Variants in TP53I13 observed in about 807,000 individuals in gnomAD.
TP53I13 encodes the protein tumor protein p53 inducible protein 13.
Under a neutral mutation model 39.1 loss-of-function variants are expected in TP53I13, and 27 were observed. The ratio of observed to expected loss-of-function variants is 0.69; its 90% CI spans 0.51 to 0.95. TP53I13 has a LOEUF of 0.95. Among genes scored for constraint, TP53I13 ranks in the 40% least tolerant of loss-of-function variants. The probability of loss-of-function intolerance (pLI) is 0.00; values close to 1 mark genes in which losing one functional copy is unlikely to be tolerated. For missense variants in TP53I13, 544 were observed against 520.4 expected (o/e 1.05, Z -0.44); for synonymous variants, 230 against 224.6 (o/e 1.02, Z -0.22).
At chr17:29,582,170 A>C in the TP53I13 span, 1 of 1,502,400 alleles carries the variant, frequency 6.7e-7, no homozygotes, top group Non-Finnish European at 9.0e-7. Context: ...TGTGCAGTGA[A>C]TACGCATGTG....
At position 29,571,718 on chromosome 17, in the gene TP53I13, G is replaced by A. The variant is rs78481811; in HGVS notation, c.311G>A (p.Arg104Gln). 5.6e-6 allele frequency: 9 copies of A among 1,614,104 alleles called. No individual in the cohort carries two copies. Among genetic ancestry groups the A allele is most frequent in the South Asian group, 5.5e-5 (5 of 91,082 alleles). The change falls in exon 4 of 7, where the codon CGG (arginine) becomes CAG (glutamine). Residue 104 changes from arginine to glutamine, a missense_variant and splice_region_variant. Arg to Gln is a conservative substitution (Grantham distance 43, BLOSUM62 1). Transcript: ENST00000301057. ...CCTGACTTCAGCCTCACGCAGGATCGGGTATGTAGCTGATGAAAGGCGCTT... is the reference window on the plus strand; with the variant it reads ...CCTGACTTCAGCCTCACGCAGGATCAGGTATGTAGCTGATGAAAGGCGCTT... ...LTPDFSLTQDRPLVLTAWGLA... is the reference protein window; with the variant it reads ...LTPDFSLTQDQPLVLTAWGLA...
In TP53I13 at chr17:29,568,928, G is replaced by C. The variant is rs1295944232; in HGVS notation, c.73-90G>C. On this transcript the variant is annotated intron_variant, in intron 1 of 6. Transcript: ENST00000301057. This position sits in a 1 kb window ranked among gnomAD's most constrained non-coding sequence, Gnocchi z 4.5. Reference sequence around the variant, plus strand: ...GGAGTGGCGCGCCGAGGGGGACGCGGAGTTCTTCCGCTGGCGGGCTGGGCC... The same window carrying C: ...GGAGTGGCGCGCCGAGGGGGACGCGCAGTTCTTCCGCTGGCGGGCTGGGCC... The C allele has an allele frequency of 3.8e-6, 6 of 1,596,238 alleles. No homozygotes were observed. The highest frequency in any genetic ancestry group is 5.1e-6 in the Non-Finnish European group (6 of 1,173,900).
upstream of TP53I13, chr17:29,566,688 CAGCGCCTCTG>C (rs747866474): frequency 5.2e-5 from 83 of 1,591,504 alleles, 1 homozygote; most frequent in Non-Finnish European, 6.3e-5. Context: ...GGCCGGCCTC[CAGCGCCTCTG>C]AGCGCCGCAG....
chr17:29,572,860 C>G lies in TP53I13; in HGVS notation c.1118C>G (p.Ser373Trp), dbSNP rs946771499. 3 of 1,523,682 alleles carry G rather than the reference C, an allele frequency of 2.0e-6. No homozygotes were observed. Among genetic ancestry groups the G allele is most frequent in the Non-Finnish European group, 2.6e-6 (3 of 1,142,510 alleles). 94.4% of individuals were successfully genotyped at this position (1,523,682 alleles called of 1,614,324 possible). Residue 373 changes from serine to tryptophan, a missense_variant, in exon 7 of 7, where the codon TCG (serine) becomes TGG (tryptophan). By Grantham distance (177) the Ser-to-Trp change is radical. Transcript: ENST00000301057. ...CAGCCCTCGCGCCGGGTCAAGCGCTCGCGCCGGAGACCCCTCCTCCCGCCC... is the reference window on the plus strand; with the variant it reads ...CAGCCCTCGCGCCGGGTCAAGCGCTGGCGCCGGAGACCCCTCCTCCCGCCC... ...LLQPSRRVKR[S>W]RRRPLLPPTP...
Position 29,571,289 on chromosome 17 carries a change from C to A in TP53I13, c.184-302C>A, listed in dbSNP as rs2032911306. On this transcript the variant is annotated intron_variant, in intron 3 of 6. Coordinates refer to ENST00000301057, the MANE Select transcript of TP53I13 (RefSeq NM_138349.4). ...TGGCTTGGATTGTGGACCTGTAGAG[C>A]CATCGTTACACCTGCAGGGAAATAT... 3 of 384,612 alleles carry A rather than the reference C, an allele frequency of 7.8e-6. No individual in the cohort carries two copies. The Admixed American group carries it at 1.2e-4, about 15-fold the overall frequency. The allele number at this position is 384,612 out of a possible 1,614,324, so 23.8% of individuals were successfully genotyped here.
chr17:29,566,611 C>G (rs769296979), upstream of TP53I13: 2 of 1,608,988 alleles, frequency 1.2e-6, no homozygotes, highest in Admixed American at 3.3e-5. Flanking sequence ...CAGCTCAGGC[C>G]CAGGCGCTAC....
downstream of TP53I13, chr17:29,576,610 T>G (rs753036623): frequency 4.3e-6 from 7 of 1,613,920 alleles, no homozygotes; most frequent in African/African-American, 2.7e-5. Context: ...AGCCAGGGCC[T>G]TCTTCAGCTC....
chr17:29,575,944 C>G (rs748436918), downstream of TP53I13: 1 of 1,549,262 alleles, frequency 6.5e-7, no homozygotes, highest in Non-Finnish European at 8.9e-7. The surrounding 1 kb of genome is among the most constrained non-coding windows in gnomAD (Gnocchi z 5.5). Context: ...GCCCCACTGC[C>G]CCCCTGCTCA....
In TP53I13 at chr17:29,572,639, C is replaced by G. The variant is rs1365890334; in HGVS notation, c.1011C>G (p.Phe337Leu). The change falls in exon 6 of 7, where the codon TTC becomes TTG. Residue 337 changes from phenylalanine (F) to leucine (L), a missense_variant. Transcript: ENST00000301057. Reference protein sequence around the residue: ...ATLCTRLHRNFRRGESIYWGP... With the variant: ...ATLCTRLHRNLRRGESIYWGP... ...TCTGCACACGGCTGCACAGAAACTT[C>G]CGACGCGGGGAGAGCATCTACTGGG... 1.3e-6 allele frequency: 2 copies of G among 1,586,650 alleles called. No homozygotes were observed. Among genetic ancestry groups the G allele is most frequent in the East Asian group, 2.3e-5 (1 of 43,178 alleles).
At chr17:29,582,273 C>G in the TP53I13 span, 1 of 672,144 alleles carries the variant, frequency 1.5e-6, no homozygotes, top group Non-Finnish European at 2.6e-6. Flanking sequence ...CAGACTATGT[C>G]GGGAGGACAG....
downstream of TP53I13, chr17:29,575,748 CCA>C (rs756924655): frequency 6.3e-7 from 1 of 1,598,602 alleles, no homozygotes; most frequent in South Asian, 1.1e-5. The surrounding 1 kb of genome is among the most constrained non-coding windows in gnomAD (Gnocchi z 5.5). Flanking sequence ...GTTCCTGGAC[CCA>C]CACTGCCCCT....
At position 29,572,044 on chromosome 17, in the gene TP53I13, G is replaced by C. The variant is rs757079652; in HGVS notation, c.500G>C (p.Arg167Thr). ...PTPGRGRLCR[R>T]GCVQALALAF... is the part of the protein sequence containing the mutation. ...CCCGGTAGAGGGAGGCTGTGCCGAA[G>C]AGGGTGTGTGCAGGTGAGAGACGCT... The change falls in exon 5 of 7, where the codon AGA becomes ACA. Residue 167 changes from arginine (R) to threonine (T), a missense_variant. Arg to Thr is a moderately conservative substitution (Grantham distance 71). Coordinates refer to ENST00000301057, the MANE Select transcript of TP53I13 (RefSeq NM_138349.4). The C allele has an allele frequency of 5.6e-5, 91 of 1,613,034 alleles. No homozygotes were observed. In the East Asian group the frequency reaches 2.0e-3, roughly 36 times the overall value.
At chr17:29,581,134 G>A in the TP53I13 span, 1 of 603,100 alleles carries the variant, frequency 1.7e-6, no homozygotes, top group East Asian at 2.8e-5. The surrounding 1 kb of genome is among the most constrained non-coding windows in gnomAD (Gnocchi z 4.8). Context: ...ACGGGGCTCA[G>A]GCTATGCGGG....
In TP53I13 at chr17:29,572,614, TCTGCACACGG is replaced by T. The variant is rs2032994661; in HGVS notation, c.994_1003del (p.Arg332GlufsTer25). 6.3e-7 allele frequency: 1 copy of T among 1,590,830 alleles called. No homozygotes were observed. ...CTGGTGCTGCTCACCCTGGCCACGC[TCTGCACACGG>T]CTGCACAGAAACTTCCGACGCGGGG... On this transcript the variant is annotated frameshift_variant, in exon 6 of 7. Transcript: ENST00000301057. LOFTEE classifies it high-confidence loss of function.
downstream of TP53I13, chr17:29,574,695 A>G (rs757079774): frequency 2.5e-6 from 4 of 1,606,950 alleles, no homozygotes; most frequent in South Asian, 3.3e-5. Context: ...GGGTGTGGGG[A>G]GAGAGGTCAC....
chr17:29,573,886 G>C (rs2033079629), downstream of TP53I13: 1 of 152,774 alleles, frequency 6.5e-6, no homozygotes, highest in Non-Finnish European at 1.5e-5. Context: ...AGGGGCGAGA[G>C]TGGGGAGGGA....
At chr17:29,578,852 C>G in the TP53I13 span, 1 of 1,567,346 alleles carries the variant, frequency 6.4e-7, no homozygotes, top group Non-Finnish European at 8.8e-7. Context: ...TGCCAGCAAC[C>G]TCCCCAACAT....
At position 29,572,966 on chromosome 17, in the gene TP53I13, G is replaced by T. The variant is rs1446953799; in HGVS notation, c.*42G>T. On this transcript the variant is annotated 3_prime_UTR_variant, in exon 7 of 7. Coordinates refer to ENST00000301057, the MANE Select transcript of TP53I13 (RefSeq NM_138349.4). ...ACTGTGGCGTGCGGCTCCTCCCCGC[G>T]CCGCGAGGCCGCGACCTCTGCCACG... 1.5e-6 allele frequency: 2 copies of T among 1,349,948 alleles called. No homozygotes were observed. Among genetic ancestry groups the T allele is most frequent in the Non-Finnish European group, 1.9e-6 (2 of 1,052,362 alleles). The allele number at this position is 1,349,948 out of a possible 1,614,324, so 83.6% of individuals were successfully genotyped here.
chr17:29,573,048 C>T lies in TP53I13; in HGVS notation c.*124C>T, dbSNP rs1165749033. On this transcript the variant is annotated 3_prime_UTR_variant, in exon 7 of 7. Transcript: ENST00000301057. The stretch of plus-strand genomic sequence containing the variant: ...ATGGCGCGGCACTGGCCGAGCACTG[C>T]GGGGGCTTTCCTCCTTGTTGGTTGC... 3 of 752,706 alleles carry T rather than the reference C, an allele frequency of 4.0e-6. No individual in the cohort carries two copies. The highest frequency in any genetic ancestry group is 3.8e-6 in the Non-Finnish European group (2 of 529,940). The allele number at this position is 752,706 out of a possible 1,614,324, so 46.6% of individuals were successfully genotyped here. A position where few individuals can be genotyped will look rare whatever the true frequency, so the allele number is the denominator to read the frequency against.
Sources: gnomAD v4.1 joint callset for allele counts on GRCh38, gnomAD v4.1.1 for gene constraint, Gnocchi (gnomAD v3.1) non-coding constraint, MANE v1.5 for transcripts, NCBI Gene and HGNC (gene_info 2026-07-23, HGNC 2026-07-21) for gene names.